PPEF1: variants seen among roughly 807,000 people sequenced by gnomAD.
The protein encoded by PPEF1 is protein phosphatase with EF-hand domain 1.
In PPEF1, 12 loss-of-function variants were observed where a neutral mutation model predicts 53.3. That is an observed-to-expected ratio of 0.23 (90% CI 0.14 to 0.36). PPEF1 has a LOEUF of 0.36. Ranked by LOEUF, PPEF1 falls within the 10% of genes least tolerant of loss-of-function variation. The pLI, the probability that PPEF1 is intolerant of heterozygous loss-of-function variation, is 1.00. For synonymous variants in PPEF1, 165 were observed against 176.7 expected (o/e 0.93, Z 0.52); for missense variants, 334 against 490.4 (o/e 0.68, Z 3.01).
At chrX:18,742,341 A>G (rs923225215) in intron 3 of PPEF1, among the ~76,000 whole-genome samples, 3 of 111,134 alleles carry the variant, frequency 2.7e-5, no homozygotes, top group Non-Finnish European at 5.7e-5. Context: ...ATTTTTGGTT[A>G]TCTATTGCTA....
At chrX:18,708,437 G>A (rs1335272848) in intron 1 of PPEF1, among the ~76,000 whole-genome samples, 4 of 112,075 alleles carry the variant, frequency 3.6e-5, no homozygotes, top group African/African-American at 1.3e-4. Context: ...TCTTTCTCAT[G>A]GCTATTGGCA....
intron 12 of PPEF1, among the ~76,000 whole-genome samples, chrX:18,814,928 C>A (rs762382681): frequency 9.0e-6 from 1 of 111,641 alleles, no homozygotes; most frequent in South Asian, 3.7e-4. Context: ...GGCTGATGTC[C>A]AGAAGGGTAT....
At chrX:18,704,033 C>T (rs1321635779), upstream of PPEF1, among the ~76,000 whole-genome samples, 1 of 108,145 alleles carries the variant, frequency 9.2e-6, no homozygotes, top group Non-Finnish European at 1.9e-5. Context: ...AGGTGATCCT[C>T]CCACCTCAGC....
In PPEF1 at chrX:18,714,350, C is replaced by T. The variant is rs2044403460; in HGVS notation, c.46+6524C>T. ...GCAGTGGCGTGATCTCGGCTCACTG[C>T]ACCCTTCACCTCCCGGGTTCAAGTG... On this transcript the variant is annotated intron_variant, in intron 1 of 15. Coordinates refer to ENST00000470157, the MANE Select transcript of PPEF1 (RefSeq NM_001377996.1). Among the ~76,000 whole-genome samples, 3 of 101,980 alleles carry T rather than the reference C, an allele frequency of 2.9e-5. No homozygotes were observed. The Admixed American group carries it at 3.5e-4, about 12-fold the overall frequency. The allele number at this position is 101,980 out of a possible 115,157, so 88.6% of individuals were successfully genotyped here. A position where few individuals can be genotyped will look rare whatever the true frequency, so the allele number is the denominator to read the frequency against.
intron 1 of PPEF1, among the ~76,000 whole-genome samples, chrX:18,722,381 G>T (rs1223175260): frequency 1.8e-5 from 2 of 112,017 alleles, no homozygotes; most frequent in Non-Finnish European, 3.8e-5. Context: ...GCCCCTTAAA[G>T]GTACATTAAA....
At chrX:18,689,999 C>A in intron 3 of PPEF1, among the ~76,000 whole-genome samples, 1 of 110,428 alleles carries the variant, frequency 9.1e-6, no homozygotes, top group East Asian at 2.9e-4. Context: ...TCAGAGAAGG[C>A]TTTGCTCGAC....
intron 10 of PPEF1, among the ~76,000 whole-genome samples, chrX:18,792,598 T>C (rs1003015873): frequency 1.8e-5 from 2 of 111,849 alleles, no homozygotes; most frequent in African/African-American, 6.5e-5. Flanking sequence ...TCAATGTTAT[T>C]GATCTTTTTG....
At chrX:18,803,584 G>A (rs2147683139) in intron 10 of PPEF1, among the ~76,000 whole-genome samples, 1 of 111,658 alleles carries the variant, frequency 9.0e-6, no homozygotes, top group South Asian at 3.8e-4. Context: ...AGCCTCCCTA[G>A]TAGCTGAGAC....
At chrX:18,718,651 C>A (rs952849907) in intron 1 of PPEF1, among the ~76,000 whole-genome samples, 7 of 111,778 alleles carry the variant, frequency 6.3e-5, no homozygotes, top group African/African-American at 2.3e-4. Flanking sequence ...AGCAGAACCA[C>A]CTCTTTGTTT....
chrX:18,746,834 A>G (rs1409015838), intron 3 of PPEF1, among the ~76,000 whole-genome samples: 1 of 112,137 alleles, frequency 8.9e-6, no homozygotes, highest in Admixed American at 9.5e-5. Context: ...ATTCTCTGGG[A>G]TCAAGTTCCA....
At chrX:18,822,353 CAAA>C (rs397895822) in intron 13 of PPEF1, among the ~76,000 whole-genome samples, 1 of 59,710 alleles carries the variant, frequency 1.7e-5, no homozygotes, top group African/African-American at 5.6e-5. Flanking sequence ...ACAAAATGTG[CAAA>C]AAAAAAAAAA....
intron 6 of PPEF1, among the ~76,000 whole-genome samples, chrX:18,769,479 T>C (rs2045833029): frequency 9.0e-6 from 1 of 111,664 alleles, no homozygotes. Flanking sequence ...CAAATTAGTT[T>C]GTTAAATTGA....
Position 18,825,822 on chromosome X carries a change from C to T in PPEF1, c.1737C>T (p.Asp579=). Residue 579 remains aspartate (D), a synonymous_variant, in exon 15 of 16, where the codon GAC becomes GAT. Transcript: ENST00000470157. ...SDLEIIFNAI[D]TDHSGLISVE... ...TGGAAATCATATTTAATGCCATTGACACTGATCACTCAGGTAAATAAATGA... is the reference window on the plus strand; with the variant it reads ...TGGAAATCATATTTAATGCCATTGATACTGATCACTCAGGTAAATAAATGA... 8.4e-7 allele frequency: 1 copy of T among 1,193,702 alleles called. No individual in the cohort carries two copies. Among genetic ancestry groups the T allele is most frequent in the Non-Finnish European group, 1.1e-6 (1 of 883,164 alleles).
chrX:18,730,818 G>A (rs938426933), intron 2 of PPEF1, among the ~76,000 whole-genome samples: 12 of 108,885 alleles, frequency 1.1e-4, no homozygotes, highest in African/African-American at 3.3e-4. Context: ...GGGTTCAAGC[G>A]ATTCTCCTGC....
At chrX:18,711,579 G>A (rs1024362383) in intron 1 of PPEF1, among the ~76,000 whole-genome samples, 1 of 111,160 alleles carries the variant, frequency 9.0e-6, no homozygotes, top group Non-Finnish European at 1.9e-5. Flanking sequence ...TTTGCATGTG[G>A]ATATCCAGTT....
In PPEF1 at chrX:18,814,214, G is replaced by A. The variant is rs186603162; in HGVS notation, c.1395-3825G>A. ...TTGTATACTATTTCATGGTGTATAT[G>A]TATTGCATTTTCATTATCCAATCCA... On this transcript the variant is annotated intron_variant, in intron 12 of 15. Transcript: ENST00000470157. 3.3e-3 allele frequency among the ~76,000 whole-genome samples: 372 copies of A among 112,031 alleles called. 2 individuals carry two copies. Among genetic ancestry groups the A allele is most frequent in the African/African-American group, 0.011 (332 of 30,912 alleles).
chrX:18,826,562 G>T (rs113175522), intron 15 of PPEF1, among the ~76,000 whole-genome samples: 6,382 of 105,987 alleles, frequency 0.06, 517 homozygotes, highest in African/African-American at 0.21. Flanking sequence ...CTGAGTAGCT[G>T]GGATTACAGG....
intron 1 of PPEF1, among the ~76,000 whole-genome samples, chrX:18,721,099 T>C (rs749855601): frequency 3.8e-4 from 43 of 111,913 alleles, no homozygotes; most frequent in Admixed American, 6.7e-4. Flanking sequence ...TGCGTGGTGG[T>C]GAAGTCTGAG....
chrX:18,750,573 C>T (rs1248032117), intron 4 of PPEF1, among the ~76,000 whole-genome samples: 2 of 111,771 alleles, frequency 1.8e-5, no homozygotes, highest in Non-Finnish European at 3.8e-5. Flanking sequence ...TGGATCATTT[C>T]CACCTTTTGG....
Sources: allele counts gnomAD v4.1 joint callset (sites outside exome capture counted in the v4.1 genomes callset), GRCh38; gene constraint gnomAD v4.1.1; transcripts MANE v1.5; gene names NCBI Gene and HGNC (gene_info 2026-07-23, HGNC 2026-07-21).